Variants in MYO5B observed in about 807,000 individuals in gnomAD.
MYO5B encodes the protein myosin VB.
MYO5B carries 143 observed loss-of-function variants against 229.3 expected under a neutral mutation model. That is an observed-to-expected ratio of 0.62 (90% CI 0.54 to 0.72). The LOEUF (loss-of-function observed/expected upper bound fraction) is 0.72, where lower values mean the gene tolerates loss of function less well. MYO5B is among the 30% of genes least tolerant of loss of function. MYO5B has a pLI of 0.00. For missense variants in MYO5B, 2,321 were observed against 2,331.0 expected (o/e 1.00, Z 0.09); for synonymous variants, 918 against 885.2 (o/e 1.04, Z -0.66).
intron 1 of MYO5B, among the ~76,000 whole-genome samples, chr18:50,168,366 A>C (rs1305230460): frequency 6.6e-6 from 1 of 152,228 alleles, no homozygotes; most frequent in Non-Finnish European, 1.5e-5. Context: ...AAGACTCAGG[A>C]AAGATAGTTC....
At chr18:49,959,096 C>T (rs1401892753) in intron 12 of MYO5B, among the ~76,000 whole-genome samples, 2 of 152,158 alleles carry the variant, frequency 1.3e-5, no homozygotes, top group Non-Finnish European at 2.9e-5. Context: ...CAGATCACTT[C>T]AAATTCTCCA....
At chr18:49,894,718 G>A (rs2024757064) in intron 22 of MYO5B, among the ~76,000 whole-genome samples, 1 of 152,214 alleles carries the variant, frequency 6.6e-6, no homozygotes. Context: ...CCCTCCCAGG[G>A]GATGCCATAG....
intron 22 of MYO5B, among the ~76,000 whole-genome samples, chr18:49,892,526 C>T (rs1012192337): frequency 6.6e-6 from 1 of 152,246 alleles, no homozygotes; most frequent in African/African-American, 2.4e-5. Flanking sequence ...AGTCGGCCCC[C>T]TCACTGTGCT....
At chr18:49,989,479 C>G (rs938244028) in intron 7 of MYO5B, among the ~76,000 whole-genome samples, 4 of 152,180 alleles carry the variant, frequency 2.6e-5, no homozygotes, top group Admixed American at 6.5e-5. Flanking sequence ...AGGACAGGGA[C>G]AGGAAGCATG....
At chr18:49,940,407 C>T (rs537780308) in intron 14 of MYO5B, among the ~76,000 whole-genome samples, 30 of 152,238 alleles carry the variant, frequency 2.0e-4, no homozygotes, top group African/African-American at 6.0e-4. Context: ...CAGGTGACTT[C>T]GCACACTCAA....
chr18:49,998,715 A>G (rs1207348674), intron 5 of MYO5B, among the ~76,000 whole-genome samples: 1 of 152,244 alleles, frequency 6.6e-6, no homozygotes, highest in Non-Finnish European at 1.5e-5. Context: ...ATATGCCAAA[A>G]CATGATTGAA....
chr18:49,979,320 C>A (rs1403960485), intron 9 of MYO5B, among the ~76,000 whole-genome samples: 2 of 152,226 alleles, frequency 1.3e-5, no homozygotes, highest in Non-Finnish European at 2.9e-5. Context: ...GACAGGGGAG[C>A]TTCAAGGCTC....
At chr18:50,120,460 T>C (rs907235) in intron 1 of MYO5B, among the ~76,000 whole-genome samples, 93,852 of 152,020 alleles carry the variant, frequency 0.62, 29,121 homozygotes, top group Admixed American at 0.7. Flanking sequence ...ACCCAGAGAA[T>C]CCCATGTGAG....
intron 2 of MYO5B, among the ~76,000 whole-genome samples, chr18:50,054,528 T>C (rs1032105343): frequency 6.6e-6 from 1 of 152,134 alleles, no homozygotes; most frequent in Non-Finnish European, 1.5e-5. Flanking sequence ...TGGCACAGCA[T>C]ATAGGGTGAG....
intron 1 of MYO5B, among the ~76,000 whole-genome samples, chr18:50,091,627 C>T (rs547530886): frequency 6.6e-6 from 1 of 152,300 alleles, no homozygotes; most frequent in South Asian, 2.1e-4. Context: ...CTTCCCATTG[C>T]TGGAGGCTGT....
intron 1 of MYO5B, among the ~76,000 whole-genome samples, chr18:50,179,400 G>A (rs936638618): frequency 1.3e-5 from 2 of 152,200 alleles, no homozygotes; most frequent in Non-Finnish European, 2.9e-5. Flanking sequence ...GCCATCTTGG[G>A]AAGTTCCTTC....
intron 5 of MYO5B, among the ~76,000 whole-genome samples, chr18:50,000,819 C>A (rs1325926708): frequency 2.0e-5 from 3 of 152,168 alleles, no homozygotes; most frequent in African/African-American, 7.2e-5. Context: ...GATAAGATGC[C>A]CAAATACTGT....
chr18:50,123,812 G>A (rs988557600), intron 1 of MYO5B, among the ~76,000 whole-genome samples: 15 of 152,184 alleles, frequency 9.9e-5, no homozygotes, highest in Admixed American at 8.5e-4. Context: ...CCTACTGGAA[G>A]CCTGCTACAC....
At chr18:50,037,385 G>A (rs767353579) in intron 3 of MYO5B, among the ~76,000 whole-genome samples, 1 of 152,180 alleles carries the variant, frequency 6.6e-6, no homozygotes, top group Non-Finnish European at 1.5e-5. Flanking sequence ...TCTGGGAAAG[G>A]ATTATACATT....
At chr18:49,974,719 A>C (rs1464177341) in intron 9 of MYO5B, 104 bp from the exon 10 acceptor site, 25 of 1,376,634 alleles carry the variant, frequency 1.8e-5, no homozygotes, top group East Asian at 9.4e-5. Context: ...AGCCAAACTC[A>C]AGGCCTCCCA....
chr18:49,908,733 T>G (rs2024927048), intron 18 of MYO5B, among the ~76,000 whole-genome samples: 1 of 152,218 alleles, frequency 6.6e-6, no homozygotes, highest in South Asian at 2.1e-4. Context: ...ATCGTTACAT[T>G]AGACTATTAT....
chr18:50,077,784 G>A (rs1057503438), intron 1 of MYO5B, among the ~76,000 whole-genome samples: 2 of 152,088 alleles, frequency 1.3e-5, no homozygotes, highest in Non-Finnish European at 2.9e-5. Context: ...CAGTCAGGAG[G>A]GCTCTCTGCT....
At chr18:49,994,274 T>C (rs181712659) in intron 5 of MYO5B, among the ~76,000 whole-genome samples, 1 of 152,318 alleles carries the variant, frequency 6.6e-6, no homozygotes, top group African/African-American at 2.4e-5. Context: ...CAGCACAGAC[T>C]CTGTAGCACC....
intron 3 of MYO5B, 51 bp from the exon 4 acceptor site, chr18:50,037,045 A>G (rs1386652332): frequency 6.2e-7 from 1 of 1,609,640 alleles, no homozygotes; most frequent in Admixed American, 1.7e-5. Flanking sequence ...GACACCTGGC[A>G]TTATTAGCTC....
Sources: allele counts gnomAD v4.1 joint callset (sites outside exome capture counted in the v4.1 genomes callset), GRCh38; gene constraint gnomAD v4.1.1; transcripts MANE v1.5; gene names NCBI Gene and HGNC (gene_info 2026-07-23, HGNC 2026-07-21).